Variants in STN1 observed in about 807,000 individuals in gnomAD.
STN1 encodes CST complex subunit STN1.
STN1 carries 29 observed loss-of-function variants against 45.5 expected under a neutral mutation model. The ratio of observed to expected loss-of-function variants is 0.64; its 90% CI spans 0.47 to 0.87. The LOEUF is 0.87. Among genes scored for constraint, STN1 ranks in the 40% least tolerant of loss-of-function variants. The pLI is 0.00. For synonymous variants in STN1, 148 were observed against 159.0 expected, an observed-to-expected ratio of 0.93 and a Z score of 0.52; for missense variants, 376 against 441.4, an observed-to-expected ratio of 0.85 and a Z score of 1.33.
intron 4 of STN1, among the ~76,000 whole-genome samples, chr10:103,901,149 A>C (rs1843207607): frequency 6.6e-6 from 1 of 152,164 alleles, no homozygotes; most frequent in Non-Finnish European, 1.5e-5. Context: ...GAAGATACTC[A>C]CATTTCCCAG....
rs753653477 is a variant in STN1, at chr10:103,898,947, G to A, written c.511C>T (p.Pro171Ser). 1 of 1,613,974 alleles carries A rather than the reference G, an allele frequency of 6.2e-7. No individual in the cohort carries two copies. The highest frequency in any genetic ancestry group is 1.7e-5 in the Admixed American group (1 of 60,008). The change falls in exon 6 of 10, where the codon CCC (proline) becomes TCC (serine). Residue 171 changes from proline (P) to serine (S), a missense_variant. Pro to Ser is a moderately conservative substitution (Grantham distance 74). Coordinates refer to ENST00000224950, the MANE Select transcript of STN1 (RefSeq NM_024928.5). ...TCATAAACTTTCCTGTAGATAGTGG[G>A]CAGCTCAAGCATCCTTGCAATTTGA... ...NIQIARMLELPTIYRKVYDQP... is the reference protein window; with the variant it reads ...NIQIARMLELSTIYRKVYDQP...
intron 9 of STN1, 55 bp downstream of exon 9, chr10:103,889,015 GGA>G (rs1843120965): frequency 8.0e-7 from 1 of 1,246,496 alleles, no homozygotes; most frequent in Non-Finnish European, 1.2e-6. Context: ...GTGCTCCCCG[GGA>G]GACAGTATCC....
intron 2 of STN1, among the ~76,000 whole-genome samples, chr10:103,916,792 C>CAAA (rs397768922): frequency 5.6e-5 from 8 of 143,726 alleles, no homozygotes; most frequent in South Asian, 2.2e-4. Flanking sequence ...TATTCTAATA[C>CAAA]AAAAAAAAAA....
rs1383035576 is a variant in STN1 at position 103,878,422 on chromosome 10, C to T, written c.*4262G>A. 6.6e-6 allele frequency: 1 copy of T among 152,156 alleles called. No homozygotes were observed. The highest frequency in any genetic ancestry group is 1.9e-4 in the East Asian group (1 of 5,186). 9.4% of individuals were successfully genotyped at this position (152,156 alleles called of 1,614,324 possible). A position where few individuals can be genotyped will look rare whatever the true frequency, so the allele number is the denominator to read the frequency against. ...TTAGAAGACAGAGGCCTACCTCATT[C>T]TTGGTTTACTCATGCTTCAGGTTAC... On this transcript the variant is annotated 3_prime_UTR_variant, in exon 10 of 10. Coordinates refer to ENST00000224950, the MANE Select transcript of STN1 (RefSeq NM_024928.5).
chr10:103,908,165 C>G (rs1430831655), intron 3 of STN1, among the ~76,000 whole-genome samples: 3 of 151,978 alleles, frequency 2.0e-5, no homozygotes, highest in African/African-American at 7.3e-5. Flanking sequence ...AACATTTGTC[C>G]TAGAGAATGC....
chr10:103,905,777 A>G (rs1843236705), intron 3 of STN1, among the ~76,000 whole-genome samples: 1 of 152,206 alleles, frequency 6.6e-6, no homozygotes, highest in Non-Finnish European at 1.5e-5. Context: ...TTCATTATAG[A>G]AAATAATTAT....
At chr10:103,897,312 C>CA (rs1295603785) in intron 7 of STN1, among the ~76,000 whole-genome samples, 112 of 40,588 alleles carry the variant, frequency 2.8e-3, no homozygotes, top group Non-Finnish European at 6.8e-3. Context: ...ACTCTGTCTC[C>CA]GAAAAAAAAA....
chr10:103,909,531 C>CATATATATATGTATATATATGTACAT (rs149676388), intron 3 of STN1, among the ~76,000 whole-genome samples: 1 of 66,850 alleles, frequency 1.5e-5, no homozygotes, highest in Non-Finnish European at 3.3e-5. Flanking sequence ...TATATATGTA[C>CATATATATATGTATATATATGTACAT]ATATATATGT....
At chr10:103,904,450 TA>T (rs35731846) in intron 4 of STN1, among the ~76,000 whole-genome samples, 3,943 of 142,050 alleles carry the variant, frequency 0.028, 75 homozygotes, top group East Asian at 0.082. Flanking sequence ...AACCTAACTT[TA>T]AAAAAAAAAA....
chr10:103,902,957 C>G (rs1843218761), intron 4 of STN1, among the ~76,000 whole-genome samples: 1 of 152,162 alleles, frequency 6.6e-6, no homozygotes, highest in African/African-American at 2.4e-5. Context: ...AAAAATCTGA[C>G]TCTCAGTATT....
intron 4 of STN1, among the ~76,000 whole-genome samples, chr10:103,901,353 C>T (rs1323045046): frequency 2.6e-5 from 4 of 152,212 alleles, no homozygotes; most frequent in Non-Finnish European, 5.9e-5. Context: ...TCTTGAGTAG[C>T]TGGGATTATA....
chr10:103,884,642 T>G (rs1333813353), intron 9 of STN1, among the ~76,000 whole-genome samples: 1 of 152,130 alleles, frequency 6.6e-6, no homozygotes, highest in Non-Finnish European at 1.5e-5. Flanking sequence ...GAAAGTTGTT[T>G]ACAGATGAAA....
At chr10:103,898,668 G>A (rs1843187328) in intron 6 of STN1, among the ~76,000 whole-genome samples, 1 of 152,088 alleles carries the variant, frequency 6.6e-6, no homozygotes, top group Non-Finnish European at 1.5e-5. Context: ...ATTTCCTCAC[G>A]ACAACCCTAG....
intron 4 of STN1, among the ~76,000 whole-genome samples, chr10:103,904,096 A>C (rs1843225964): frequency 6.6e-6 from 1 of 152,212 alleles, no homozygotes; most frequent in African/African-American, 2.4e-5. Context: ...AACGACTCTA[A>C]GCACTAGATA....
At chr10:103,892,093 G>C in intron 8 of STN1, 37 bp downstream of exon 8, 1 of 1,486,542 alleles carries the variant, frequency 6.7e-7, no homozygotes, top group Non-Finnish European at 9.1e-7. Flanking sequence ...TGTAATTGAA[G>C]CTACAAAGAA....
intron 3 of STN1, 47 bp from the exon 4 acceptor site, chr10:103,905,203 G>C (rs779467576): frequency 6.6e-7 from 1 of 1,512,644 alleles, no homozygotes; most frequent in Non-Finnish European, 9.2e-7. Flanking sequence ...GGGCAAGGCT[G>C]GTGAATTAGC....
intron 9 of STN1, among the ~76,000 whole-genome samples, chr10:103,886,681 AAG>A (rs1843105689): frequency 6.6e-6 from 1 of 152,336 alleles, no homozygotes; most frequent in African/African-American, 2.4e-5. Context: ...GCCATTAGGA[AAG>A]AGAACTTCAT....
rs1270474004 is a variant in STN1, at chr10:103,885,761, G to C, written c.950-2920C>G. Among the ~76,000 whole-genome samples the C allele has an allele frequency of 2.0e-5, 3 of 152,118 alleles. No individual in the cohort carries two copies. The East Asian group carries it at 5.8e-4, about 29-fold the overall frequency. ...GGAAAGGCCAGCAAGGAGCTCCCCA[G>C]GGGTTAGTACAATTACATAATTCGA... is the stretch of plus-strand genomic sequence containing the variant. On this transcript the variant is annotated intron_variant, in intron 9 of 9. Coordinates refer to ENST00000224950, the MANE Select transcript of STN1 (RefSeq NM_024928.5).
At chr10:103,896,432 T>C (rs1324714199) in intron 7 of STN1, among the ~76,000 whole-genome samples, 1 of 152,090 alleles carries the variant, frequency 6.6e-6, no homozygotes, top group East Asian at 1.9e-4. Flanking sequence ...GCTGAGATCA[T>C]TCCCTGGTGG....
Sources: gnomAD v4.1 joint callset for allele counts (sites outside exome capture counted in the v4.1 genomes callset) on GRCh38, gnomAD v4.1.1 for gene constraint, MANE v1.5 for transcripts, NCBI Gene and HGNC (gene_info 2026-07-23, HGNC 2026-07-21) for gene names.